The following PAK5 variants were observed in gnomAD, a reference collection of about 807,000 sequenced individuals.
PAK5 encodes the protein serine/threonine-protein kinase PAK 5.
PAK5 carries 16 observed loss-of-function variants against 65.9 expected under a neutral mutation model. The ratio of observed to expected loss-of-function variants is 0.24; its 90% CI spans 0.16 to 0.37. The LOEUF (loss-of-function observed/expected upper bound fraction) is 0.37, where lower values mean the gene tolerates loss of function less well. Ranked by LOEUF, PAK5 falls within the 10% of genes least tolerant of loss-of-function variation. The pLI is 1.00. For synonymous variants in PAK5, 371 were observed against 354.9 expected (o/e 1.05, Z -0.51); for missense variants, 785 against 903.9 (o/e 0.87, Z 1.69).
intron 1 of PAK5, among the ~76,000 whole-genome samples, chr20:9,816,195 C>T (rs2049354788): frequency 6.6e-6 from 1 of 151,998 alleles, no homozygotes; most frequent in African/African-American, 2.4e-5. Flanking sequence ...AGCATATATT[C>T]TGGGCAACTT....
intron 2 of PAK5, among the ~76,000 whole-genome samples, chr20:9,687,850 A>T (rs2047739661): frequency 1.3e-5 from 2 of 152,074 alleles, no homozygotes; most frequent in South Asian, 2.1e-4. Context: ...ACTGGGGTAT[A>T]AAAAGTGCTT....
rs112372531 is a variant in PAK5 at position 9,540,534 on chromosome 20, T to C, written c.2005-917A>G. ...GTATCTGTGAGATTCATCTCCGACG[T>C]GTGGCAAAAGTTATATCTTTTAAAT... On this transcript the variant is annotated intron_variant, in intron 9 of 9. Coordinates refer to ENST00000353224, the MANE Select transcript of PAK5 (RefSeq NM_177990.4). 8.4e-3 allele frequency among the ~76,000 whole-genome samples: 1,285 copies of C among 152,328 alleles called. 8 individuals carry two copies. The highest frequency in any genetic ancestry group is 0.029 in the African/African-American group (1,214 of 41,564).
intron 1 of PAK5, among the ~76,000 whole-genome samples, chr20:9,715,768 C>T (rs1262903580): frequency 3.9e-5 from 6 of 151,900 alleles, no homozygotes; most frequent in Admixed American, 3.9e-4. Flanking sequence ...AAGCTGGAAA[C>T]CATCATTCTC....
At chr20:9,625,809 A>T (rs1164567087) in intron 3 of PAK5, among the ~76,000 whole-genome samples, 1 of 152,236 alleles carries the variant, frequency 6.6e-6, no homozygotes, top group African/African-American at 2.4e-5. Flanking sequence ...AGGCTTGTCA[A>T]TTCCTTGGCT....
chr20:9,565,913 G>C lies in PAK5; in HGVS notation c.1462C>G (p.Arg488Gly), dbSNP rs771840400. The C allele has an allele frequency of 1.2e-6, 2 of 1,613,162 alleles. No individual in the cohort carries two copies. The highest frequency in any genetic ancestry group is 8.5e-7 in the Non-Finnish European group (1 of 1,179,400). The change falls in exon 5 of 10, where the codon CGA becomes GGA. Residue 488 changes from arginine to glycine, a missense_variant. Physicochemically the swap from Arg to Gly is moderately radical, Grantham distance 125 (BLOSUM62 -2). This residue lies in a region of PAK5 where 182 missense variants were observed against 273.0 expected (regional missense o/e 0.67). Transcript: ENST00000353224. ...KKMDLRKQQR[R>G]ELLFNEVVIM... Reference sequence around the variant, plus strand: ...TTTACCTCATTGAAAAGCAGTTCTCGTCTCTGTTGCTTCCGGAGGTCCATT... The same window carrying C: ...TTTACCTCATTGAAAAGCAGTTCTCCTCTCTGTTGCTTCCGGAGGTCCATT...
intron 3 of PAK5, among the ~76,000 whole-genome samples, chr20:9,592,103 AG>A (rs1027225758): frequency 1.7e-4 from 26 of 152,328 alleles, no homozygotes; most frequent in African/African-American, 6.0e-4. Context: ...ATGTCTCAAA[AG>A]TTTGAAACTT....
chr20:9,834,017 A>T (rs1202615161), intron 1 of PAK5, among the ~76,000 whole-genome samples: 1 of 152,186 alleles, frequency 6.6e-6, no homozygotes, highest in African/African-American at 2.4e-5. Flanking sequence ...TGTATTTTAT[A>T]ACCAAAAACA....
At chr20:9,710,811 T>C (rs1250415189) in intron 2 of PAK5, among the ~76,000 whole-genome samples, 1 of 152,158 alleles carries the variant, frequency 6.6e-6, no homozygotes, top group African/African-American at 2.4e-5. Context: ...ACATCCTGCT[T>C]CTCCAAAGCC....
At chr20:9,679,825 C>T (rs1304949093) in intron 2 of PAK5, among the ~76,000 whole-genome samples, 1 of 152,198 alleles carries the variant, frequency 6.6e-6, no homozygotes, top group Admixed American at 6.5e-5. Context: ...ACAGGGCTGG[C>T]TCCAGGCAAA....
At position 9,670,138 on chromosome 20, in the gene PAK5, A is replaced by G. The variant is rs548073218; in HGVS notation, c.-11-25799T>C. ...ATGGCTGCATAGTATTCCATGGTGT[A>G]TATGTGCCACATTTTCTTAATTCAG... is the stretch of plus-strand genomic sequence containing the variant. On this transcript the variant is annotated intron_variant, in intron 2 of 9. Coordinates refer to ENST00000353224, the MANE Select transcript of PAK5 (RefSeq NM_177990.4). Among the ~76,000 whole-genome samples, 11 of 152,288 alleles carry G rather than the reference A, an allele frequency of 7.2e-5. No individual in the cohort carries two copies. The South Asian group carries it at 1.7e-3, about 23-fold the overall frequency.
At chr20:9,776,810 A>G (rs1294897798) in intron 1 of PAK5, among the ~76,000 whole-genome samples, 1 of 152,216 alleles carries the variant, frequency 6.6e-6, no homozygotes, top group East Asian at 1.9e-4. Context: ...ACAACCTCAT[A>G]AGAGAACTTG....
intron 3 of PAK5, among the ~76,000 whole-genome samples, chr20:9,592,745 A>G (rs915560211): frequency 3.3e-5 from 5 of 152,194 alleles, no homozygotes; most frequent in African/African-American, 1.2e-4. Context: ...TGGGCACTAG[A>G]ATGTGGATGA....
At chr20:9,676,948 A>T (rs746032402) in intron 2 of PAK5, among the ~76,000 whole-genome samples, 26 of 152,180 alleles carry the variant, frequency 1.7e-4, no homozygotes, top group Non-Finnish European at 2.9e-4. Flanking sequence ...AGCATTTCAG[A>T]GACCCTAACA....
rs562111694 is a variant in PAK5, at chr20:9,821,493, C to T, written c.-162+17269G>A. Among the ~76,000 whole-genome samples, 122 of 152,260 alleles carry T rather than the reference C, an allele frequency of 8.0e-4. 2 individuals carry two copies. The South Asian group carries it at 0.022, about 28-fold the overall frequency. On this transcript the variant is annotated intron_variant, in intron 1 of 9. Coordinates refer to ENST00000353224, the MANE Select transcript of PAK5 (RefSeq NM_177990.4). ...TTGTAGCCTGCCTAACCTGAGTATC[C>T]TATTGGCAATCACTGATATGACCTA...
intron 1 of PAK5, among the ~76,000 whole-genome samples, chr20:9,834,021 A>G (rs6118747): frequency 0.32 from 48,603 of 152,148 alleles, 9,568 homozygotes; most frequent in African/African-American, 0.55. Context: ...TTTTATAACC[A>G]AAAACATTAC....
At chr20:9,546,524 C>A (rs1055176816) in intron 7 of PAK5, among the ~76,000 whole-genome samples, 1 of 152,110 alleles carries the variant, frequency 6.6e-6, no homozygotes, top group Non-Finnish European at 1.5e-5. Flanking sequence ...GGTAGTGAAA[C>A]CCTTGAAGGG....
In PAK5 at chr20:9,621,258, T is replaced by A. The variant is rs569887170; in HGVS notation, c.204+22867A>T. ...GGAAAGTCATAGGGGAAAAAGAGAC[T>A]TAACATGCAAAATAAGGGAGTGTCA... On this transcript the variant is annotated intron_variant, in intron 3 of 9. Coordinates refer to ENST00000353224, the MANE Select transcript of PAK5 (RefSeq NM_177990.4). Among the ~76,000 whole-genome samples the A allele has an allele frequency of 4.6e-5, 7 of 152,088 alleles. No individual in the cohort carries two copies. In the East Asian group the frequency reaches 1.3e-3, roughly 29 times the overall value.
chr20:9,820,427 G>A (rs1212139348), intron 1 of PAK5, among the ~76,000 whole-genome samples: 1 of 152,098 alleles, frequency 6.6e-6, no homozygotes, highest in Non-Finnish European at 1.5e-5. Context: ...TCCATTCATT[G>A]ATCTACTCCT....
At chr20:9,550,209 C>G (rs1453344418) in intron 7 of PAK5, among the ~76,000 whole-genome samples, 2 of 152,122 alleles carry the variant, frequency 1.3e-5, no homozygotes, top group Non-Finnish European at 2.9e-5. Flanking sequence ...AAGGGTCTGG[C>G]ACAAGCCTGT....
Sources: allele counts gnomAD v4.1 joint callset (sites outside exome capture counted in the v4.1 genomes callset), GRCh38; gene constraint gnomAD v4.1.1; regional missense constraint gnomAD v4.1.1; transcripts MANE v1.5; gene names NCBI Gene and HGNC (gene_info 2026-07-23, HGNC 2026-07-21).